BRWD1: variants seen among roughly 807,000 people sequenced by gnomAD.
BRWD1 encodes the protein bromodomain and WD repeat-containing protein 1.
In BRWD1, 82 loss-of-function variants were observed where a neutral mutation model predicts 251.2. That is an observed-to-expected ratio of 0.33 (90% CI 0.27 to 0.39). The LOEUF is 0.39. Ranked by LOEUF, BRWD1 falls within the 10% of genes least tolerant of loss-of-function variation. BRWD1 has a pLI of 1.00. For synonymous variants in BRWD1, 918 were observed against 902.8 expected, an observed-to-expected ratio of 1.02 and a Z score of -0.30; for missense variants, 2,233 against 2,711.6, an observed-to-expected ratio of 0.82 and a Z score of 3.92.
chr21:39,197,219 T>C lies in BRWD1; in HGVS notation c.5850A>G (p.Leu1950=). ...KLMSDVEDVS[L]ENVHTRSKNG... ...TTTTGCTTCTAGTGTGCACATTTTC[T>C]AAACTGACATCTTCTACATCACTCA... Residue 1950 remains leucine (L), a synonymous_variant, in exon 41 of 41, where the codon TTA becomes TTG. Transcript: ENST00000342449. 7.4e-6 allele frequency: 12 copies of C among 1,614,080 alleles called. No homozygotes were observed. The highest frequency in any genetic ancestry group is 1.0e-5 in the Non-Finnish European group (12 of 1,179,954).
intron 36 of BRWD1, among the ~76,000 whole-genome samples, chr21:39,208,205 C>T (rs115114511): frequency 0.015 from 2,321 of 152,172 alleles, 57 homozygotes; most frequent in African/African-American, 0.053. Context: ...CAATGGTGAA[C>T]TGTATGGTAT....
chr21:39,217,136 C>G (rs1178773277), intron 31 of BRWD1: 1 of 141,538 alleles, frequency 7.1e-6, no homozygotes, highest in East Asian at 2.2e-4. Context: ...CACTCCACCA[C>G]CCAGGATGGA....
At chr21:39,274,496 T>G in intron 12 of BRWD1, 24 bp from the exon 13 acceptor site, 1 of 1,560,528 alleles carries the variant, frequency 6.4e-7, no homozygotes, top group South Asian at 1.1e-5. Flanking sequence ...GAACAGGATC[T>G]TACTATATTC....
At chr21:39,239,393 T>C (rs1327676022) in intron 21 of BRWD1, among the ~76,000 whole-genome samples, 1 of 152,182 alleles carries the variant, frequency 6.6e-6, no homozygotes, top group East Asian at 1.9e-4. Flanking sequence ...ATTTATTTTG[T>C]ATGTGAATGT....
At chr21:39,259,517 C>G (rs1162843160) in intron 17 of BRWD1, among the ~76,000 whole-genome samples, 1 of 152,144 alleles carries the variant, frequency 6.6e-6, no homozygotes, top group African/African-American at 2.4e-5. Flanking sequence ...CCAGGATGGT[C>G]TCAATCTCCT....
rs377131549 is a variant in BRWD1, at chr21:39,216,767, CCAT to C, written c.3659+1382_3659+1384del. The C allele has an allele frequency of 7.0e-5, 26 of 371,586 alleles. No homozygotes were observed. In the East Asian group the frequency reaches 9.6e-4, roughly 14 times the overall value. 23.0% of individuals were successfully genotyped at this position (371,586 alleles called of 1,614,324 possible). ...AGCCTGAAGAGACCACCTGTTCAGA[CCAT>C]TGCTTACAGAAATATATTTTTTTTA... On this transcript the variant is annotated intron_variant, in intron 31 of 40. Transcript: ENST00000342449.
In BRWD1 at chr21:39,194,418, A is replaced by G; in HGVS notation, c.*1841T>C. Reference sequence around the variant, plus strand: ...TTAGCAAAGTAAAAGGCATCCCATTAGTCTTTTCAGTCTTAGTCAAGGACA... The same window carrying G: ...TTAGCAAAGTAAAAGGCATCCCATTGGTCTTTTCAGTCTTAGTCAAGGACA... On this transcript the variant is annotated 3_prime_UTR_variant, in exon 41 of 41. Transcript: ENST00000342449. 2 of 1,214,130 alleles carry G rather than the reference A, an allele frequency of 1.6e-6. No individual in the cohort carries two copies. The highest frequency in any genetic ancestry group is 2.1e-6 in the Non-Finnish European group (2 of 974,914). The allele number at this position is 1,214,130 out of a possible 1,614,324, so 75.2% of individuals were successfully genotyped here.
intron 25 of BRWD1, among the ~76,000 whole-genome samples, chr21:39,231,894 A>C (rs2033630179): frequency 6.6e-6 from 1 of 152,208 alleles, no homozygotes. Flanking sequence ...TTGGATACAT[A>C]AACATTTTTA....
At position 39,187,072 on chromosome 21, in the gene BRWD1, ATT is replaced by A. The variant is rs1339104060; in HGVS notation, c.*9185_*9186del. 1 of 1,592,456 alleles carries A rather than the reference ATT, an allele frequency of 6.3e-7. No individual in the cohort carries two copies. The highest frequency in any genetic ancestry group is 2.2e-5 in the East Asian group (1 of 44,780). ...GGATCTGAACCCCCTTAAAAAAAGC[ATT>A]TTTCTATTAATATCTTCTAGCTCTT... On this transcript the variant is annotated 3_prime_UTR_variant, in exon 41 of 41. Coordinates refer to ENST00000342449, the MANE Select transcript of BRWD1 (RefSeq NM_033656.4).
upstream of BRWD1, among the ~76,000 whole-genome samples, chr21:39,315,445 C>G (rs1334444439): frequency 4.9e-4 from 75 of 151,752 alleles, 2 homozygotes; most frequent in Admixed American, 4.9e-3. Context: ...CCATCCTGGC[C>G]AACATAGTGA....
intron 4 of BRWD1, among the ~76,000 whole-genome samples, chr21:39,302,574 TG>T (rs966915180): frequency 4.6e-5 from 7 of 151,868 alleles, no homozygotes; most frequent in African/African-American, 1.7e-4. Context: ...CTGGCTAACA[TG>T]GTGAAACCCC....
chr21:39,295,630 A>C (rs2035942405), intron 7 of BRWD1, 113 bp downstream of exon 7: 1 of 819,158 alleles, frequency 1.2e-6, no homozygotes, highest in Admixed American at 3.0e-5. Flanking sequence ...CACCATACCT[A>C]CTGAGTCAAA....
chr21:39,282,245 A>G (rs1179023895), intron 8 of BRWD1, among the ~76,000 whole-genome samples: 2 of 152,188 alleles, frequency 1.3e-5, no homozygotes, highest in African/African-American at 4.8e-5. Flanking sequence ...TCTGTCTCAA[A>G]AAGCAAACAA....
At chr21:39,291,598 C>G (rs2146740181) in intron 8 of BRWD1, among the ~76,000 whole-genome samples, 1 of 152,310 alleles carries the variant, frequency 6.6e-6, no homozygotes, top group South Asian at 2.1e-4. Context: ...CTAAAACAAG[C>G]AGCATTCCAC....
At chr21:39,307,038 G>C (rs997034154) in intron 4 of BRWD1, among the ~76,000 whole-genome samples, 3 of 152,124 alleles carry the variant, frequency 2.0e-5, no homozygotes, top group African/African-American at 7.2e-5. Context: ...ATTTTTAGTA[G>C]AGACGGGGTT....
chr21:39,233,112 A>G (rs945682613), intron 23 of BRWD1, among the ~76,000 whole-genome samples: 1 of 152,140 alleles, frequency 6.6e-6, no homozygotes. Context: ...TCAAGCAGCC[A>G]GCTTGAGTTG....
rs2031607592 is a variant in BRWD1 at position 39,192,575 on chromosome 21, A to T, written c.*3684T>A. The T allele has an allele frequency of 1.0e-6, 1 of 984,020 alleles. No individual in the cohort carries two copies. The highest frequency in any genetic ancestry group is 1.1e-4 in the East Asian group (1 of 8,806). The allele number at this position is 984,020 out of a possible 1,614,324, so 61.0% of individuals were successfully genotyped here. On this transcript the variant is annotated 3_prime_UTR_variant, in exon 41 of 41. Transcript: ENST00000342449. ...ATAATTGAACTATAATTTCCATACA[A>T]CATAAGAAAACTACAGTATTTGGTG...
At chr21:39,285,707 G>A (rs937087315) in intron 8 of BRWD1, among the ~76,000 whole-genome samples, 9 of 151,834 alleles carry the variant, frequency 5.9e-5, no homozygotes, top group South Asian at 2.1e-4. Flanking sequence ...AGGACTGCTC[G>A]AGCCTAGGAG....
rs756851283 is a variant in BRWD1 at position 39,247,753 on chromosome 21, C to T, written c.2429G>A (p.Arg810His). ...TCCAGAAGATAACTCACGCCAGCTA[C>T]GATTTCTTCTACCATAATTTGGATA... ...RKYPNYGRRN[R>H]SWRELSSGNE... The change falls in exon 21 of 41, where the codon CGT (arginine) becomes CAT (histidine). Residue 810 changes from arginine to histidine, a missense_variant. Physicochemically the swap from Arg to His is conservative, Grantham distance 29. This residue lies in a region of BRWD1 where 214 missense variants were observed against 222.0 expected (regional missense o/e 0.96). Transcript: ENST00000342449. The T allele has an allele frequency of 7.4e-6, 12 of 1,613,410 alleles. No homozygotes were observed. Among genetic ancestry groups the T allele is most frequent in the Admixed American group, 1.7e-5 (1 of 59,904 alleles).
Sources: gnomAD v4.1 joint callset for allele counts (sites outside exome capture counted in the v4.1 genomes callset) on GRCh38, gnomAD v4.1.1 for gene constraint, gnomAD v4.1.1 regional missense constraint, MANE v1.5 for transcripts, NCBI Gene and HGNC (gene_info 2026-07-23, HGNC 2026-07-21) for gene names.